CD47: variants seen among roughly 807,000 people sequenced by gnomAD.
CD47 encodes the protein CD47 molecule, also known as leukocyte surface antigen CD47.
A neutral mutation model predicts 44.6 loss-of-function variants in CD47; 11 were observed. The ratio of observed to expected loss-of-function variants is 0.25; its 90% confidence interval spans 0.16 to 0.41. The LOEUF (loss-of-function observed/expected upper bound fraction) is 0.41, where lower values mean the gene tolerates loss of function less well. Among genes scored for constraint, CD47 ranks in the 10% least tolerant of loss-of-function variants. CD47 has a pLI of 1.00. For synonymous variants in CD47, 140 were observed against 136.3 expected (o/e 1.03, Z -0.19); for missense variants, 306 against 386.7 (o/e 0.79, Z 1.75).
chr3:108,080,624 T>C (rs2079399418), intron 1 of CD47, among the ~76,000 whole-genome samples: 1 of 151,902 alleles, frequency 6.6e-6, no homozygotes, highest in South Asian at 2.1e-4. Flanking sequence ...AGCAACTATG[T>C]TGGAACATGC....
At chr3:108,081,249 T>G (rs1359644943) in intron 1 of CD47, among the ~76,000 whole-genome samples, 1 of 151,990 alleles carries the variant, frequency 6.6e-6, no homozygotes, top group Non-Finnish European at 1.5e-5. Flanking sequence ...ATGTAATCAC[T>G]CATTGTTCAA....
chr3:108,078,084 G>C (rs1446735711), intron 2 of CD47, among the ~76,000 whole-genome samples: 1 of 151,988 alleles, frequency 6.6e-6, no homozygotes, highest in Non-Finnish European at 1.5e-5. Context: ...CACATAAGAG[G>C]AAACCATTGG....
intron 10 of CD47, among the ~76,000 whole-genome samples, chr3:108,049,153 T>A (rs1464358935): frequency 2.0e-5 from 3 of 149,202 alleles, no homozygotes; most frequent in Admixed American, 6.7e-5. Flanking sequence ...TCAACCTCTC[T>A]CTTTAATCAT....
rs1290579733 is a variant in CD47, at chr3:108,046,932, C to T, written c.*356G>A. The T allele has an allele frequency of 4.8e-6, 1 of 208,018 alleles. No homozygotes were observed. Among genetic ancestry groups the T allele is most frequent in the African/African-American group, 2.3e-5 (1 of 43,624 alleles). The allele number at this position is 208,018 out of a possible 1,614,324, so 12.9% of individuals were successfully genotyped here. On this transcript the variant is annotated 3_prime_UTR_variant, in exon 11 of 11. Transcript: ENST00000361309. ...CACCAGGGCAGTGCTAAGTAGTTAT[C>T]ACCCTGAACCAATTTAAACTGGTTA...
In CD47 at chr3:108,046,518, G is replaced by T. The variant is rs1362653629; in HGVS notation, c.*770C>A. The T allele has an allele frequency of 1.3e-5, 2 of 152,612 alleles. No homozygotes were observed. The highest frequency in any genetic ancestry group is 2.9e-5 in the Non-Finnish European group (2 of 68,052). The allele number at this position is 152,612 out of a possible 1,614,324, so 9.5% of individuals were successfully genotyped here. On this transcript the variant is annotated 3_prime_UTR_variant, in exon 11 of 11. Coordinates refer to ENST00000361309, the MANE Select transcript of CD47 (RefSeq NM_001777.4). ...AGACCATGTTCAAAGAGGAGAAAAG[G>T]TGCTACATCTTGTACAGCAGAAGCA...
rs2078670170 is a variant in CD47 at position 108,043,834 on chromosome 3, T to C, written c.*3454A>G. 6.6e-6 allele frequency: 1 copy of C among 152,640 alleles called. No individual in the cohort carries two copies. Among genetic ancestry groups the C allele is most frequent in the African/African-American group, 2.4e-5 (1 of 41,468 alleles). The allele number at this position is 152,640 out of a possible 1,614,324, so 9.5% of individuals were successfully genotyped here. ...GTCTTCAATGATCTTAATTAAGAAC[T>C]GTCAAAGCTAAAGGCAGAAAAACTG... On this transcript the variant is annotated 3_prime_UTR_variant, in exon 11 of 11. Transcript: ENST00000361309.
At chr3:108,049,068 A>C (rs2078773762) in intron 10 of CD47, among the ~76,000 whole-genome samples, 1 of 151,488 alleles carries the variant, frequency 6.6e-6, no homozygotes, top group Admixed American at 6.6e-5. Context: ...TAAAAAAAAA[A>C]TGGAAGCAAA....
chr3:108,063,473 T>C (rs549304106), intron 3 of CD47, among the ~76,000 whole-genome samples: 1 of 152,322 alleles, frequency 6.6e-6, no homozygotes, highest in African/African-American at 2.4e-5. Context: ...GTAGGTATCT[T>C]GTTGCTAGCC....
intron 4 of CD47, among the ~76,000 whole-genome samples, chr3:108,059,747 T>C (rs940701492): frequency 6.6e-6 from 1 of 152,236 alleles, no homozygotes. Context: ...TGCTGAAACC[T>C]TGAATTGGCT....
intron 1 of CD47, among the ~76,000 whole-genome samples, chr3:108,085,982 T>G (rs187799200): frequency 6.6e-6 from 1 of 152,256 alleles, no homozygotes; most frequent in East Asian, 1.9e-4. Flanking sequence ...CAAGAATGTG[T>G]CTATGAATGA....
At chr3:108,057,777 A>G (rs892969011) in intron 6 of CD47, among the ~76,000 whole-genome samples, 1 of 152,192 alleles carries the variant, frequency 6.6e-6, no homozygotes, top group Non-Finnish European at 1.5e-5. Flanking sequence ...TATCATATCA[A>G]GAAATGGGAA....
At chr3:108,062,287 C>T (rs1185780235) in intron 3 of CD47, among the ~76,000 whole-genome samples, 1 of 152,164 alleles carries the variant, frequency 6.6e-6, no homozygotes, top group Non-Finnish European at 1.5e-5. Context: ...GTTTTCATAA[C>T]TTCCCTATTT....
In CD47 at chr3:108,078,331, C is replaced by T. The variant is rs75593859; in HGVS notation, c.400+1660G>A. Among the ~76,000 whole-genome samples the T allele has an allele frequency of 1.8e-3, 274 of 152,072 alleles. 4 individuals are homozygous for T. In the East Asian group the frequency reaches 0.031, roughly 17 times the overall value. ...AAGATAAAACAGTCTTTCAATCACACGCAAAATAATAAACTGTTTTTATCT... is the reference window on the plus strand; with the variant it reads ...AAGATAAAACAGTCTTTCAATCACATGCAAAATAATAAACTGTTTTTATCT... On this transcript the variant is annotated intron_variant, in intron 2 of 10. Transcript: ENST00000361309.
At chr3:108,055,169 T>C (rs1176266236) in intron 7 of CD47, among the ~76,000 whole-genome samples, 1 of 152,160 alleles carries the variant, frequency 6.6e-6, no homozygotes, top group South Asian at 2.1e-4. Context: ...CTCTTTAAAA[T>C]AGCAAATTAA....
rs1368202292 is a variant in CD47, at chr3:108,044,820, A to G, written c.*2468T>C. 6.6e-6 allele frequency: 1 copy of G among 152,594 alleles called. No individual in the cohort carries two copies. Among genetic ancestry groups the G allele is most frequent in the East Asian group, 1.9e-4 (1 of 5,206 alleles). 9.5% of individuals were successfully genotyped at this position (152,594 alleles called of 1,614,324 possible). A position where few individuals can be genotyped will look rare whatever the true frequency, so the allele number is the denominator to read the frequency against. ...GAAAGGTTGTTGCAGAAAAGGACAA[A>G]TGGTGTCACTGTGAGAACACACAAT... On this transcript the variant is annotated 3_prime_UTR_variant, in exon 11 of 11. Coordinates refer to ENST00000361309, the MANE Select transcript of CD47 (RefSeq NM_001777.4).
intron 10 of CD47, among the ~76,000 whole-genome samples, chr3:108,048,217 T>C (rs1378138442): frequency 6.6e-6 from 1 of 152,178 alleles, no homozygotes; most frequent in Admixed American, 6.5e-5. Context: ...AACTTATTCC[T>C]GTGAACTATA....
chr3:108,084,827 A>G (rs942459294), intron 1 of CD47, among the ~76,000 whole-genome samples: 1 of 151,876 alleles, frequency 6.6e-6, no homozygotes, highest in Non-Finnish European at 1.5e-5. Context: ...CCTAAATCCA[A>G]TGTCTGTTGA....
At chr3:108,072,297 G>A (rs1356498219) in intron 2 of CD47, among the ~76,000 whole-genome samples, 4 of 152,076 alleles carry the variant, frequency 2.6e-5, no homozygotes, top group Non-Finnish European at 2.9e-5. Context: ...ATTCTACCAC[G>A]CACTATCTCT....
chr3:108,061,327 T>G (rs1048990540), intron 3 of CD47, among the ~76,000 whole-genome samples: 1 of 151,646 alleles, frequency 6.6e-6, no homozygotes, highest in East Asian at 1.9e-4. Flanking sequence ...ACAACACTGA[T>G]GTACATAATA....
Sources: allele counts gnomAD v4.1 joint callset (sites outside exome capture counted in the v4.1 genomes callset), GRCh38; gene constraint gnomAD v4.1.1; transcripts MANE v1.5; gene names NCBI Gene and HGNC (gene_info 2026-07-23, HGNC 2026-07-21).